Variants in BRINP1 observed in about 807,000 individuals in gnomAD.
BRINP1 encodes the protein BMP/retinoic acid-inducible neural-specific protein 1.
In BRINP1, 17 loss-of-function variants were observed where a neutral mutation model predicts 72.9. That is an observed-to-expected ratio of 0.23 (90% CI 0.16 to 0.35). BRINP1 has a LOEUF of 0.35. Ranked by LOEUF, BRINP1 falls within the 10% of genes least tolerant of loss-of-function variation. The pLI, the probability that BRINP1 is intolerant of heterozygous loss-of-function variation, is 1.00. For synonymous variants in BRINP1, 418 were observed against 378.5 expected (o/e 1.10, Z -1.21); for missense variants, 850 against 1,001.6 (o/e 0.85, Z 2.04).
chr9:119,336,794 G>A (rs893269230), intron 1 of BRINP1, among the ~76,000 whole-genome samples: 151 of 151,990 alleles, frequency 9.9e-4, no homozygotes, highest in African/African-American at 3.5e-3. Context: ...GGACCAGAAG[G>A]GATGTGTTTG....
intron 5 of BRINP1, among the ~76,000 whole-genome samples, chr9:119,224,190 A>G (rs1328555715): frequency 6.6e-6 from 1 of 152,090 alleles, no homozygotes; most frequent in Non-Finnish European, 1.5e-5. Context: ...AAAAAGATTT[A>G]TAAATGTAAA....
intron 2 of BRINP1, among the ~76,000 whole-genome samples, chr9:119,283,675 G>A (rs1354051630): frequency 6.6e-6 from 1 of 152,132 alleles, no homozygotes; most frequent in East Asian, 1.9e-4. Flanking sequence ...TGGGATTACA[G>A]GCGTGGGCCA....
intron 2 of BRINP1, among the ~76,000 whole-genome samples, chr9:119,293,943 A>T (rs1830847379): frequency 6.6e-6 from 1 of 152,176 alleles, no homozygotes; most frequent in African/African-American, 2.4e-5. Context: ...AAAGTAATAA[A>T]AGTAATTCAA....
intron 2 of BRINP1, among the ~76,000 whole-genome samples, chr9:119,253,791 ATAAAT>A (rs1830417954): frequency 6.6e-6 from 1 of 152,204 alleles, no homozygotes; most frequent in East Asian, 1.9e-4. Flanking sequence ...CCTGTAATAC[ATAAAT>A]GATAAGAGCT....
intron 1 of BRINP1, among the ~76,000 whole-genome samples, chr9:119,355,332 C>T (rs1831550299): frequency 6.6e-6 from 1 of 152,144 alleles, no homozygotes; most frequent in Non-Finnish European, 1.5e-5. Context: ...TTATTGAGTA[C>T]TTACTATATG....
chr9:119,348,262 A>C (rs2119030117), intron 1 of BRINP1, among the ~76,000 whole-genome samples: 1 of 152,272 alleles, frequency 6.6e-6, no homozygotes, highest in South Asian at 2.1e-4. Flanking sequence ...ATATGCATTT[A>C]AGTTTCCTCC....
intron 5 of BRINP1, among the ~76,000 whole-genome samples, chr9:119,214,797 A>C (rs1011804086): frequency 2.6e-5 from 4 of 152,196 alleles, no homozygotes; most frequent in Non-Finnish European, 4.4e-5. Flanking sequence ...GGCTGGTTGA[A>C]AAGCAAGTAA....
chr9:119,235,890 A>G (rs1412046521), intron 5 of BRINP1, among the ~76,000 whole-genome samples: 1 of 152,194 alleles, frequency 6.6e-6, no homozygotes, highest in Non-Finnish European at 1.5e-5. Flanking sequence ...TTTGCACCAA[A>G]TATAATCTAC....
chr9:119,287,829 T>C (rs1311020337), intron 2 of BRINP1, among the ~76,000 whole-genome samples: 2 of 152,124 alleles, frequency 1.3e-5, no homozygotes, highest in Non-Finnish European at 2.9e-5. Flanking sequence ...TATCCTTTTC[T>C]GAAAAATTAA....
Position 119,294,088 on chromosome 9 carries a change from TACAGA to T in BRINP1, c.218+19045_218+19049del, listed in dbSNP as rs1228536034. ...TGAAGTTGAAGATACAAAATAAACA[TACAGA>T]AATCTGTGAACTATCCAAAAATAAT... is the stretch of plus-strand genomic sequence containing the variant. On this transcript the variant is annotated intron_variant, in intron 2 of 7. Coordinates refer to ENST00000265922, the MANE Select transcript of BRINP1 (RefSeq NM_014618.3). 4.6e-5 allele frequency among the ~76,000 whole-genome samples: 7 copies of T among 152,224 alleles called. No homozygotes were observed. In the East Asian group the frequency reaches 1.3e-3, roughly 29 times the overall value.
At chr9:119,258,862 G>A (rs903485101) in intron 2 of BRINP1, among the ~76,000 whole-genome samples, 1 of 152,144 alleles carries the variant, frequency 6.6e-6, no homozygotes, top group Non-Finnish European at 1.5e-5. Context: ...AGGAAACCAA[G>A]GCCCAGAGCA....
chr9:119,167,504 C>T lies in BRINP1; in HGVS notation c.1866G>A (p.Arg622=). 2 of 1,614,084 alleles carry T rather than the reference C, an allele frequency of 1.2e-6. No individual in the cohort carries two copies. The highest frequency in any genetic ancestry group is 1.3e-5 in the African/African-American group (1 of 75,034). ...FETVHIYLRS[R]TRLPTLLRNE... ...TTCGCAGTAGGGTAGGTAGCCGAGT[C>T]CGACTACGTAGGTAGATGTGGACCG... Residue 622 remains arginine, a synonymous_variant, in exon 8 of 8, where the codon CGG becomes CGA. Transcript: ENST00000265922. This position sits in a 1 kb window ranked among gnomAD's most constrained non-coding sequence, Gnocchi z 4.3.
intron 2 of BRINP1, among the ~76,000 whole-genome samples, chr9:119,308,900 A>G (rs1831028011): frequency 6.6e-6 from 1 of 152,142 alleles, no homozygotes; most frequent in Admixed American, 6.5e-5. Context: ...AAAGAGTACC[A>G]TAATTATTCT....
In BRINP1 at chr9:119,166,706, C is replaced by T. The variant is rs41273911; in HGVS notation, c.*378G>A. ...AGGAAAAATGGCAGTGTCAGTTGTA[C>T]ATTACATATATCTCTCTTTCTTTTT... On this transcript the variant is annotated 3_prime_UTR_variant, in exon 8 of 8. Coordinates refer to ENST00000265922, the MANE Select transcript of BRINP1 (RefSeq NM_014618.3). 1.9e-4 allele frequency: 32 copies of T among 164,778 alleles called. No individual in the cohort carries two copies. The highest frequency in any genetic ancestry group is 3.5e-4 in the Non-Finnish European group (27 of 76,314). 10.2% of individuals were successfully genotyped at this position (164,778 alleles called of 1,614,324 possible).
chr9:119,257,678 G>A (rs889847170), intron 2 of BRINP1, among the ~76,000 whole-genome samples: 4 of 152,190 alleles, frequency 2.6e-5, no homozygotes, highest in Non-Finnish European at 4.4e-5. Flanking sequence ...ATCCCCAGAG[G>A]TGAACAAGGG....
intron 5 of BRINP1, among the ~76,000 whole-genome samples, chr9:119,231,456 T>C (rs1459861919): frequency 1.3e-5 from 2 of 152,138 alleles, no homozygotes; most frequent in Non-Finnish European, 2.9e-5. Context: ...GTTGCTTCTA[T>C]ATTAAAAAGA....
At chr9:119,274,455 C>G (rs1564235480) in intron 2 of BRINP1, among the ~76,000 whole-genome samples, 3 of 152,142 alleles carry the variant, frequency 2.0e-5, no homozygotes, top group East Asian at 3.9e-4. Context: ...TACAGAGAAC[C>G]TTTGAAAGCC....
intron 4 of BRINP1, among the ~76,000 whole-genome samples, chr9:119,241,833 A>C (rs1564226329): frequency 6.6e-6 from 1 of 152,206 alleles, no homozygotes; most frequent in South Asian, 2.1e-4. Context: ...AGAATACTCT[A>C]GCAAATCAGT....
At chr9:119,230,684 G>C (rs566569688) in intron 5 of BRINP1, among the ~76,000 whole-genome samples, 1 of 151,994 alleles carries the variant, frequency 6.6e-6, no homozygotes, top group East Asian at 1.9e-4. Context: ...AAAAGAAAAG[G>C]TCAAAGAAGA....
Sources: gnomAD v4.1 joint callset for allele counts (sites outside exome capture counted in the v4.1 genomes callset) on GRCh38, gnomAD v4.1.1 for gene constraint, Gnocchi (gnomAD v3.1) non-coding constraint, MANE v1.5 for transcripts, NCBI Gene and HGNC (gene_info 2026-07-23, HGNC 2026-07-21) for gene names.